The following KCNH5 variants were observed in gnomAD, a reference collection of about 807,000 sequenced individuals.
KCNH5 encodes potassium voltage-gated channel subfamily H member 5, also known as voltage-gated delayed rectifier potassium channel KCNH5.
Under a neutral mutation model 96.1 loss-of-function variants are expected in KCNH5, and 46 were observed. The ratio of observed to expected loss-of-function variants is 0.48; its 90% CI spans 0.38 to 0.61. The LOEUF (loss-of-function observed/expected upper bound fraction) is 0.61, where lower values mean the gene tolerates loss of function less well. Ranked by LOEUF, KCNH5 falls within the 20% of genes least tolerant of loss-of-function variation. KCNH5 has a pLI of 0.00. For synonymous variants in KCNH5, 439 were observed against 449.8 expected (o/e 0.98, Z 0.30); for missense variants, 907 against 1,225.8 (o/e 0.74, Z 3.88).
intron 10 of KCNH5, among the ~76,000 whole-genome samples, chr14:62,762,444 C>T (rs1264539796): frequency 6.6e-6 from 1 of 152,146 alleles, no homozygotes; most frequent in Non-Finnish European, 1.5e-5. Flanking sequence ...TTTCAGCAGA[C>T]AAGCCCTCAC....
chr14:62,751,887 T>C (rs1394909551), intron 10 of KCNH5, among the ~76,000 whole-genome samples: 1 of 152,252 alleles, frequency 6.6e-6, no homozygotes, highest in African/African-American at 2.4e-5. Context: ...GACTGGGTTA[T>C]AAAATGTACT....
intron 7 of KCNH5, among the ~76,000 whole-genome samples, chr14:62,884,274 T>C (rs1219400655): frequency 6.6e-6 from 1 of 152,198 alleles, no homozygotes. Context: ...AGTCTGTGAA[T>C]TGCATTCCAA....
intron 10 of KCNH5, among the ~76,000 whole-genome samples, chr14:62,775,913 C>G (rs111294615): frequency 6.6e-6 from 1 of 152,164 alleles, no homozygotes; most frequent in African/African-American, 2.4e-5. Flanking sequence ...TGTTGAAGCT[C>G]TTATCCCCAA....
chr14:62,986,187 T>C (rs578017934), intron 5 of KCNH5, among the ~76,000 whole-genome samples: 10 of 152,312 alleles, frequency 6.6e-5, no homozygotes, highest in African/African-American at 2.2e-4. Context: ...CAGGAGTTTT[T>C]AATCATTTTG....
intron 10 of KCNH5, among the ~76,000 whole-genome samples, chr14:62,734,537 C>T (rs977468189): frequency 3.5e-4 from 53 of 152,096 alleles, no homozygotes; most frequent in African/African-American, 1.3e-3. Context: ...AGGGAAAGCA[C>T]CATCATTTCT....
intron 6 of KCNH5, among the ~76,000 whole-genome samples, chr14:62,955,302 C>T (rs759982898): frequency 5.9e-5 from 9 of 152,166 alleles, no homozygotes; most frequent in Non-Finnish European, 8.8e-5. Flanking sequence ...CTGTGCCACA[C>T]ACTTCTATGC....
intron 6 of KCNH5, among the ~76,000 whole-genome samples, chr14:62,956,336 T>TC (rs759253092): frequency 2.0e-5 from 3 of 152,044 alleles, no homozygotes; most frequent in Non-Finnish European, 4.4e-5. Flanking sequence ...GAGCATAGTG[T>TC]CTCCCTTTGT....
At chr14:62,981,765 G>T (rs1016565164) in intron 5 of KCNH5, among the ~76,000 whole-genome samples, 1 of 152,190 alleles carries the variant, frequency 6.6e-6, no homozygotes, top group Non-Finnish European at 1.5e-5. Context: ...GCAGTGTAAA[G>T]GGTTGTAAAG....
At chr14:62,871,295 G>T (rs1179564987) in intron 7 of KCNH5, among the ~76,000 whole-genome samples, 1 of 152,126 alleles carries the variant, frequency 6.6e-6, no homozygotes, top group Admixed American at 6.5e-5. Context: ...GCTACATAGG[G>T]TGCTATAAGA....
intron 1 of KCNH5, among the ~76,000 whole-genome samples, chr14:63,019,890 G>A (rs1305924175): frequency 6.6e-6 from 1 of 152,000 alleles, no homozygotes; most frequent in African/African-American, 2.4e-5. Flanking sequence ...AAAATGAAAT[G>A]GAAACCTACA....
chr14:62,837,263 C>A (rs1258573183), intron 8 of KCNH5, among the ~76,000 whole-genome samples: 3 of 152,124 alleles, frequency 2.0e-5, no homozygotes, highest in East Asian at 1.9e-4. Flanking sequence ...GTGAGTCCTG[C>A]GTGGCAGGAA....
intron 7 of KCNH5, among the ~76,000 whole-genome samples, chr14:62,890,060 C>T (rs1210182476): frequency 6.6e-6 from 1 of 152,122 alleles, no homozygotes; most frequent in Non-Finnish European, 1.5e-5. Flanking sequence ...CCCTTTCTTA[C>T]ACCATATACA....
At chr14:62,911,275 T>C (rs1001646455) in intron 7 of KCNH5, among the ~76,000 whole-genome samples, 4 of 151,230 alleles carry the variant, frequency 2.6e-5, no homozygotes, top group Non-Finnish European at 4.4e-5. Flanking sequence ...TTCTTTCTTT[T>C]TTTTTTCTTT....
chr14:62,884,453 C>T (rs1395088837), intron 7 of KCNH5, among the ~76,000 whole-genome samples: 2 of 152,186 alleles, frequency 1.3e-5, no homozygotes, highest in Admixed American at 6.5e-5. Flanking sequence ...CGGTGAAACG[C>T]TGTCTCTACT....
chr14:62,872,800 A>G (rs1163642856), intron 7 of KCNH5, among the ~76,000 whole-genome samples: 3 of 152,206 alleles, frequency 2.0e-5, no homozygotes, highest in Non-Finnish European at 4.4e-5. Context: ...GCCTTCTACT[A>G]ACTGACAGAG....
At chr14:63,014,338 A>T (rs1329704829) in intron 2 of KCNH5, among the ~76,000 whole-genome samples, 1 of 152,152 alleles carries the variant, frequency 6.6e-6, no homozygotes, top group African/African-American at 2.4e-5. Context: ...CAATTCAATA[A>T]ATACTGACAT....
At chr14:62,909,042 T>TA (rs1282223729) in intron 7 of KCNH5, among the ~76,000 whole-genome samples, 10 of 34,648 alleles carry the variant, frequency 2.9e-4, no homozygotes, top group Non-Finnish European at 1.7e-4. Context: ...ATTTTTTTTT[T>TA]TTTTTTTTTT....
At position 62,849,705 on chromosome 14, in the gene KCNH5, A is replaced by G. The variant is rs940247448; in HGVS notation, c.1517T>C (p.Met506Thr). The change falls in exon 8 of 11, where the codon ATG becomes ACG. Residue 506 changes from methionine to threonine, a missense_variant. Around this residue, in one of 6 missense-constraint regions of KCNH5, gnomAD observed 95 missense variants for 111.8 expected, o/e 0.85. Transcript: ENST00000322893. ...QVPKGLSERV[M>T]DYIVSTWSMS... ...GGACCATGTTGAGACAATATAATCC[A>G]TGACTCGCTCACTAAGGCCTTTTGG... is the stretch of plus-strand genomic sequence containing the variant. 2 of 1,613,936 alleles carry G rather than the reference A, an allele frequency of 1.2e-6. No homozygotes were observed. Among genetic ancestry groups the G allele is most frequent in the Non-Finnish European group, 1.7e-6 (2 of 1,179,860 alleles).
At chr14:62,734,593 T>TA (rs1458060918) in intron 10 of KCNH5, among the ~76,000 whole-genome samples, 28 of 152,060 alleles carry the variant, frequency 1.8e-4, no homozygotes, top group Admixed American at 6.6e-5. Context: ...AATCCCCACA[T>TA]ACACTAGCAT....
Sources: allele counts gnomAD v4.1 joint callset (sites outside exome capture counted in the v4.1 genomes callset), GRCh38; gene constraint gnomAD v4.1.1; regional missense constraint gnomAD v4.1.1; transcripts MANE v1.5; gene names NCBI Gene and HGNC (gene_info 2026-07-23, HGNC 2026-07-21).